Variants in TMEM179 observed in about 807,000 individuals in gnomAD.
TMEM179 encodes transmembrane protein 179.
Under a neutral mutation model 22.2 loss-of-function variants are expected in TMEM179, and 17 were observed. The observed-to-expected ratio is 0.77, with a 90% CI of 0.52 to 1.15. The LOEUF (loss-of-function observed/expected upper bound fraction) is 1.15. Among genes scored for constraint, TMEM179 ranks in the 50% most tolerant of loss-of-function variants. The probability of loss-of-function intolerance (pLI) is 0.00; values close to 1 mark genes in which losing one functional copy is unlikely to be tolerated. For synonymous variants in TMEM179, 127 were observed against 140.5 expected, an observed-to-expected ratio of 0.90 and a Z score of 0.68; for missense variants, 265 against 313.6, an observed-to-expected ratio of 0.84 and a Z score of 1.17.
At chr14:104,594,328 G>C in intron 3 of TMEM179, 1 of 1,231,408 alleles carries the variant, frequency 8.1e-7, no homozygotes, top group Non-Finnish European at 1.0e-6. Context: ...CTGGCCAGGA[G>C]AAGCGTCCTC....
Position 104,593,659 on chromosome 14 carries a change from C to T in TMEM179, c.523-1G>A. 1.4e-6 allele frequency: 2 copies of T among 1,473,108 alleles called. No individual in the cohort carries two copies. Among genetic ancestry groups the T allele is most frequent in the Non-Finnish European group, 1.8e-6 (2 of 1,113,112 alleles). 91.3% of individuals were successfully genotyped at this position (1,473,108 alleles called of 1,614,324 possible). A position where few individuals can be genotyped will look rare whatever the true frequency, so the allele number is the denominator to read the frequency against. ...CCAGCCATGAGGCCCAGAGGCCAAA[C>T]TGCACAGAGGGCAGGGTCAGGGTCA... On this transcript the variant is annotated splice_acceptor_variant, in intron 3 of 3. Transcript: ENST00000556573. LOFTEE classifies it high-confidence loss of function.
intron 1 of TMEM179, among the ~76,000 whole-genome samples, chr14:104,598,225 G>A (rs1350366796): frequency 6.6e-6 from 1 of 152,202 alleles, no homozygotes; most frequent in African/African-American, 2.4e-5. Context: ...GTAGGGAGAG[G>A]GGGTAGGGAT....
intron 3 of TMEM179, chr14:104,594,902 CCAGA>C: frequency 7.5e-7 from 1 of 1,338,504 alleles, no homozygotes. Context: ...ACTTCCCACC[CCAGA>C]CCCCAGGGCC....
intron 1 of TMEM179, among the ~76,000 whole-genome samples, chr14:104,598,667 C>A (rs780290575): frequency 6.6e-6 from 1 of 152,244 alleles, no homozygotes; most frequent in African/African-American, 2.4e-5. Flanking sequence ...CAGGCCACAG[C>A]GCCCAACTCA....
intron 3 of TMEM179, chr14:104,594,654 C>T (rs1034788178): frequency 1.2e-5 from 14 of 1,217,168 alleles, no homozygotes; most frequent in East Asian, 6.5e-5. Context: ...GGGCGGGGGA[C>T]GCAGCTTATA....
intron 2 of TMEM179, among the ~76,000 whole-genome samples, chr14:104,596,369 C>A (rs924260007): frequency 6.6e-6 from 1 of 152,180 alleles, no homozygotes. Flanking sequence ...CCCCCACAAG[C>A]CAGATGATGC....
At chr14:104,600,201 A>G (rs1046631485) in intron 1 of TMEM179, among the ~76,000 whole-genome samples, 2 of 152,186 alleles carry the variant, frequency 1.3e-5, no homozygotes, top group African/African-American at 4.8e-5. Context: ...CCCCGGATCC[A>G]GCTCCCCAGA....
intron 1 of TMEM179, among the ~76,000 whole-genome samples, chr14:104,603,733 TG>T (rs1427514163): frequency 6.6e-6 from 1 of 151,462 alleles, no homozygotes; most frequent in African/African-American, 2.4e-5. Context: ...AGGGAGTGGG[TG>T]GGCCCCCAGA....
At chr14:104,603,851 A>G (rs1887326055) in intron 1 of TMEM179, among the ~76,000 whole-genome samples, 2 of 152,196 alleles carry the variant, frequency 1.3e-5, no homozygotes, top group African/African-American at 4.8e-5. Flanking sequence ...AGGAAAATGC[A>G]GGCCAGGAGG....
In TMEM179 at chr14:104,604,669, C is replaced by T; in HGVS notation, c.73G>A (p.Val25Met). 1 of 1,598,362 alleles carries T rather than the reference C, an allele frequency of 6.3e-7. No individual in the cohort carries two copies. Among genetic ancestry groups the T allele is most frequent in the Non-Finnish European group, 8.5e-7 (1 of 1,173,876 alleles). The change falls in exon 1 of 4, where the codon GTG (valine) becomes ATG (methionine). Residue 25 changes from valine (V) to methionine (M), a missense_variant. Physicochemically the swap from Val to Met is conservative, Grantham distance 21 (BLOSUM62 1). Coordinates refer to ENST00000556573, the MANE Select transcript of TMEM179 (RefSeq NM_001286389.2). The surrounding 1 kb of genome is among the most constrained non-coding windows in gnomAD (Gnocchi z 4.6). ...FLAFLFSFVV[V>M]VPLSENGHDF... ...TGGCCGTTCTCGGACAGCGGGACCA[C>T]CACCACGAAGCTGAACAGGAAGGCC...
intron 3 of TMEM179, chr14:104,594,424 G>A: frequency 8.1e-7 from 1 of 1,231,816 alleles, no homozygotes; most frequent in African/African-American, 1.5e-5. Context: ...GATCAGTGCT[G>A]GCAGGAGCCA....
chr14:104,597,914 A>G lies in TMEM179; in HGVS notation c.306-787T>C, dbSNP rs1230390660. The stretch of plus-strand genomic sequence containing the variant: ...AGGCTGTGATTGGGCCCATCTGACC[A>G]GGGCCAGAGCATGGGGAGCGCAGGA... On this transcript the variant is annotated intron_variant, in intron 1 of 3. Transcript: ENST00000556573. This position sits in a 1 kb window ranked among gnomAD's most constrained non-coding sequence, Gnocchi z 4.8. Among the ~76,000 whole-genome samples the G allele has an allele frequency of 1.3e-5, 2 of 152,196 alleles. No individual in the cohort carries two copies. Among genetic ancestry groups the G allele is most frequent in the Non-Finnish European group, 2.9e-5 (2 of 68,024 alleles).
rs1887058426 is a variant in TMEM179, at chr14:104,597,185, G to GC, written c.306-59dup. The GC allele has an allele frequency of 2.6e-6, 4 of 1,519,890 alleles. No homozygotes were observed. The South Asian group carries it at 4.9e-5, about 19-fold the overall frequency. The allele number at this position is 1,519,890 out of a possible 1,614,324, so 94.2% of individuals were successfully genotyped here. A position where few individuals can be genotyped will look rare whatever the true frequency, so the allele number is the denominator to read the frequency against. On this transcript the variant is annotated intron_variant, in intron 1 of 3. Transcript: ENST00000556573. The surrounding 1 kb of genome is among the most constrained non-coding windows in gnomAD (Gnocchi z 4.8). ...GGACACCACCTCCCAGGCGACCCCCGCCCCCAGGCTGCAGCCAGAAACAGG... is the reference window on the plus strand; with the variant it reads ...GGACACCACCTCCCAGGCGACCCCCGCCCCCCAGGCTGCAGCCAGAAACAGG...
chr14:104,601,014 T>C (rs1050489455), intron 1 of TMEM179, among the ~76,000 whole-genome samples: 1 of 152,206 alleles, frequency 6.6e-6, no homozygotes, highest in South Asian at 2.1e-4. Flanking sequence ...GGACGTCCAG[T>C]GGCCGTCGAT....
intron 1 of TMEM179, among the ~76,000 whole-genome samples, chr14:104,599,977 A>C (rs1229000555): frequency 3.3e-5 from 5 of 152,208 alleles, no homozygotes; most frequent in Non-Finnish European, 5.9e-5. Context: ...GGAGACTTCA[A>C]ACATCCAGCC....
intron 1 of TMEM179, among the ~76,000 whole-genome samples, chr14:104,600,126 G>T (rs1248216681): frequency 6.6e-6 from 1 of 152,168 alleles, no homozygotes; most frequent in Non-Finnish European, 1.5e-5. Context: ...TTCCTTTCTG[G>T]TCGGTTTCCA....
intron 3 of TMEM179, chr14:104,594,956 C>T: frequency 2.9e-6 from 4 of 1,383,912 alleles, no homozygotes; most frequent in Non-Finnish European, 3.8e-6. Flanking sequence ...GCCATCTCCT[C>T]CCCAAACCCA....
chr14:104,600,219 G>A (rs1887190106), intron 1 of TMEM179, among the ~76,000 whole-genome samples: 1 of 152,208 alleles, frequency 6.6e-6, no homozygotes, highest in African/African-American at 2.4e-5. Flanking sequence ...AGAGGTCACA[G>A]GGCCACCCAG....
chr14:104,602,835 C>G (rs555077774), intron 1 of TMEM179, among the ~76,000 whole-genome samples: 1 of 152,226 alleles, frequency 6.6e-6, no homozygotes, highest in Non-Finnish European at 1.5e-5. Context: ...ACCTTAGTGT[C>G]GTGGGTTGAA....
Sources: gnomAD v4.1 joint callset for allele counts (sites outside exome capture counted in the v4.1 genomes callset) on GRCh38, gnomAD v4.1.1 for gene constraint, Gnocchi (gnomAD v3.1) non-coding constraint, MANE v1.5 for transcripts, NCBI Gene and HGNC (gene_info 2026-07-23, HGNC 2026-07-21) for gene names.